RNF2: variants seen among roughly 807,000 people sequenced by gnomAD.
RNF2 encodes the protein E3 ubiquitin-protein ligase RING2.
RNF2 carries 6 observed loss-of-function variants against 37.2 expected under a neutral mutation model. That is an observed-to-expected ratio of 0.16 (90% confidence interval 0.09 to 0.32). The LOEUF is 0.32. Ranked by LOEUF, RNF2 falls within the 10% of genes least tolerant of loss-of-function variation. RNF2 has a pLI of 1.00. For synonymous variants in RNF2, 133 were observed against 132.7 expected, an observed-to-expected ratio of 1.00 and a Z score of -0.02; for missense variants, 251 against 404.0, an observed-to-expected ratio of 0.62 and a Z score of 3.25.
chr1:185,051,289 A>C (rs1394397611), intron 1 of RNF2, among the ~76,000 whole-genome samples: 1 of 152,216 alleles, frequency 6.6e-6, no homozygotes, highest in Non-Finnish European at 1.5e-5. Flanking sequence ...ACTGTATTAC[A>C]GAAGGGGTAG....
intron 1 of RNF2, among the ~76,000 whole-genome samples, chr1:185,083,569 G>C (rs1316848945): frequency 6.6e-6 from 1 of 151,952 alleles, no homozygotes; most frequent in African/African-American, 2.4e-5. Flanking sequence ...CAGTCCTCCT[G>C]CCTCAGACTT....
At chr1:185,097,688 C>G (rs75429623) in intron 4 of RNF2, among the ~76,000 whole-genome samples, 1 of 152,184 alleles carries the variant, frequency 6.6e-6, no homozygotes. Flanking sequence ...TGCACCACCA[C>G]GCCCAGCTAA....
intron 1 of RNF2, among the ~76,000 whole-genome samples, chr1:185,068,038 C>T: frequency 6.6e-6 from 1 of 150,948 alleles, no homozygotes; most frequent in Non-Finnish European, 1.5e-5. Flanking sequence ...GAGTCTTGCA[C>T]TGTTGCCCAC....
chr1:185,081,936 T>G (rs920989870), intron 1 of RNF2, among the ~76,000 whole-genome samples: 2 of 151,994 alleles, frequency 1.3e-5, no homozygotes, highest in Non-Finnish European at 2.9e-5. Flanking sequence ...TGACCATGAC[T>G]TTTTTTTGGT....
intron 1 of RNF2, among the ~76,000 whole-genome samples, chr1:185,058,705 G>A (rs1385331055): frequency 6.6e-6 from 1 of 152,154 alleles, no homozygotes; most frequent in Non-Finnish European, 1.5e-5. Flanking sequence ...ATTATTTGAA[G>A]AACTCACATT....
intron 2 of RNF2, 161 bp from the exon 3 acceptor site, chr1:185,091,418 G>A (rs1402776607): frequency 5.2e-6 from 1 of 192,294 alleles, no homozygotes; most frequent in Non-Finnish European, 9.5e-6. Flanking sequence ...AGCTGTAGGC[G>A]ATTATAGTTG....
At chr1:185,063,331 A>G (rs1172243373) in intron 1 of RNF2, among the ~76,000 whole-genome samples, 3 of 152,212 alleles carry the variant, frequency 2.0e-5, no homozygotes, top group Non-Finnish European at 4.4e-5. Context: ...TGATTCAGTG[A>G]GTCTGAAATG....
At position 185,084,025 on chromosome 1, in the gene RNF2, T is replaced by G. The variant is rs139512469; in HGVS notation, c.-2-3527T>G. On this transcript the variant is annotated intron_variant, in intron 1 of 6. Transcript: ENST00000367510. ...GGCACAGTCGTACCTCACTGAAACT[T>G]TAAACTCCTGGGCTCAAGCAATCTT... is the stretch of plus-strand genomic sequence containing the variant. Among the ~76,000 whole-genome samples, 237 of 151,866 alleles carry G rather than the reference T, an allele frequency of 1.6e-3. 1 individual carries two copies. The highest frequency in any genetic ancestry group is 5.5e-3 in the African/African-American group (226 of 41,376).
Position 185,100,349 on chromosome 1 carries a change from TTTAATA to T in RNF2, c.*53_*58del. ...ACTGAACTTTTTTATAGCCTATTTCTTTAATATTAAAGATGTACTGGCATTACTTTT... is the reference window on the plus strand; with the variant it reads ...ACTGAACTTTTTTATAGCCTATTTCTTTAAAGATGTACTGGCATTACTTTT... On this transcript the variant is annotated 3_prime_UTR_variant, in exon 7 of 7. Coordinates refer to ENST00000367510, the MANE Select transcript of RNF2 (RefSeq NM_007212.4). 1 of 1,253,990 alleles carries T rather than the reference TTTAATA, an allele frequency of 8.0e-7. No homozygotes were observed. The highest frequency in any genetic ancestry group is 1.1e-6 in the Non-Finnish European group (1 of 876,364). The allele number at this position is 1,253,990 out of a possible 1,614,324, so 77.7% of individuals were successfully genotyped here. A position where few individuals can be genotyped will look rare whatever the true frequency, so the allele number is the denominator to read the frequency against.
At chr1:185,070,250 T>G (rs1219931662) in intron 1 of RNF2, among the ~76,000 whole-genome samples, 1 of 152,174 alleles carries the variant, frequency 6.6e-6, no homozygotes, top group Non-Finnish European at 1.5e-5. Context: ...TTTATCACTT[T>G]GCAGATTAAA....
At chr1:185,058,907 A>G (rs1206342249) in intron 1 of RNF2, among the ~76,000 whole-genome samples, 2 of 152,206 alleles carry the variant, frequency 1.3e-5, no homozygotes, top group Admixed American at 6.5e-5. Flanking sequence ...AGTCATGTTG[A>G]TTTCCAGTAT....
intron 1 of RNF2, among the ~76,000 whole-genome samples, chr1:185,071,008 T>C (rs1452383036): frequency 6.6e-6 from 1 of 152,216 alleles, no homozygotes; most frequent in Non-Finnish European, 1.5e-5. Flanking sequence ...AATGGTGTTT[T>C]AGGGAACCTC....
At chr1:185,086,435 G>A (rs1651603260) in intron 1 of RNF2, among the ~76,000 whole-genome samples, 1 of 151,974 alleles carries the variant, frequency 6.6e-6, no homozygotes, top group Non-Finnish European at 1.5e-5. Context: ...AGAGAAGTTG[G>A]TCTTATGCTC....
chr1:185,079,854 C>A (rs558536633), intron 1 of RNF2, among the ~76,000 whole-genome samples: 1 of 151,906 alleles, frequency 6.6e-6, no homozygotes, highest in Non-Finnish European at 1.5e-5. Flanking sequence ...TGCTTGAACC[C>A]GGGAGGTGGA....
intron 1 of RNF2, among the ~76,000 whole-genome samples, chr1:185,084,380 T>G (rs773012587): frequency 6.6e-6 from 1 of 152,178 alleles, no homozygotes; most frequent in African/African-American, 2.4e-5. Flanking sequence ...ATAGTTCATT[T>G]AGGATTTTTG....
intron 1 of RNF2, among the ~76,000 whole-genome samples, chr1:185,067,868 G>T (rs1027203868): frequency 6.7e-6 from 1 of 149,622 alleles, no homozygotes; most frequent in African/African-American, 2.5e-5. Context: ...CTGCCACCAC[G>T]CCCAGCTAAT....
chr1:185,085,826 G>A (rs1272439162), intron 1 of RNF2, among the ~76,000 whole-genome samples: 1 of 151,950 alleles, frequency 6.6e-6, no homozygotes, highest in Non-Finnish European at 1.5e-5. Flanking sequence ...GCTAATTTTT[G>A]TATTTTTAGT....
At chr1:185,082,345 C>CTTTTTT (rs3036553) in intron 1 of RNF2, among the ~76,000 whole-genome samples, 1,104 of 71,930 alleles carry the variant, frequency 0.015, 211 homozygotes, top group East Asian at 0.097. Context: ...CTCTGCAGAA[C>CTTTTTT]TTTTTTTTTT....
chr1:185,082,344 A>ATTTTTTTTTTTTTTTTTTTTTTTT (rs1557969996), intron 1 of RNF2, among the ~76,000 whole-genome samples: 2 of 46,832 alleles, frequency 4.3e-5, no homozygotes, highest in Non-Finnish European at 8.3e-5. Flanking sequence ...CCTCTGCAGA[A>ATTTTTTTTTTTTTTTTTTTTTTTT]CTTTTTTTTT....
Sources: gnomAD v4.1 joint callset for allele counts (sites outside exome capture counted in the v4.1 genomes callset) on GRCh38, gnomAD v4.1.1 for gene constraint, MANE v1.5 for transcripts, NCBI Gene and HGNC (gene_info 2026-07-23, HGNC 2026-07-21) for gene names.